Variants in SLC43A1 observed in about 807,000 individuals in gnomAD.
SLC43A1 encodes large neutral amino acids transporter small subunit 3.
In SLC43A1, 31 loss-of-function variants were observed where a neutral mutation model predicts 59.5. The observed-to-expected ratio is 0.52, with a 90% CI of 0.39 to 0.70. SLC43A1 has a LOEUF of 0.70. Among genes scored for constraint, SLC43A1 ranks in the 30% least tolerant of loss-of-function variants. SLC43A1 has a pLI of 0.00. For missense variants in SLC43A1, 598 were observed against 717.8 expected (o/e 0.83, Z 1.91); for synonymous variants, 259 against 290.9 (o/e 0.89, Z 1.12).
chr11:57,508,949 T>C (rs559457116), intron 2 of SLC43A1, among the ~76,000 whole-genome samples: 1 of 151,862 alleles, frequency 6.6e-6, no homozygotes, highest in Non-Finnish European at 1.5e-5. Flanking sequence ...AACTGCATCT[T>C]TACTAAAAAT....
chr11:57,514,241 C>G lies in SLC43A1; in HGVS notation c.-13-117G>C. ...GCCCGCGAGGAGCCCCTCATGGAGGCCCCATAGAGCCCTGGGCTTCCCAGC... is the reference window on the plus strand; with the variant it reads ...GCCCGCGAGGAGCCCCTCATGGAGGGCCCATAGAGCCCTGGGCTTCCCAGC... On this transcript the variant is annotated intron_variant, in intron 1 of 14. Coordinates refer to ENST00000278426, the MANE Select transcript of SLC43A1 (RefSeq NM_003627.6). The surrounding 1 kb of genome is among the most constrained non-coding windows in gnomAD (Gnocchi z 5.5). The G allele has an allele frequency of 8.2e-7, 1 of 1,224,416 alleles. No individual in the cohort carries two copies. The highest frequency in any genetic ancestry group is 1.1e-6 in the Non-Finnish European group (1 of 907,092). 75.8% of individuals were successfully genotyped at this position (1,224,416 alleles called of 1,614,324 possible).
intron 8 of SLC43A1, among the ~76,000 whole-genome samples, chr11:57,492,692 C>T (rs765149906): frequency 5.9e-5 from 8 of 135,186 alleles, no homozygotes; most frequent in Admixed American, 2.4e-4. Flanking sequence ...ATTGCACTAC[C>T]GCACTCCAGC....
chr11:57,487,350 T>C (rs1469869476), intron 13 of SLC43A1, 132 bp from the exon 14 acceptor site: 17 of 1,102,618 alleles, frequency 1.5e-5, no homozygotes, highest in Non-Finnish European at 2.2e-5. Context: ...GCTCTTTGCA[T>C]GGGCTCTTTG....
intron 2 of SLC43A1, among the ~76,000 whole-genome samples, chr11:57,513,028 T>A (rs1350354734): frequency 6.6e-6 from 1 of 152,194 alleles, no homozygotes; most frequent in Non-Finnish European, 1.5e-5. Context: ...CTAACATTTA[T>A]TAAGCACTGC....
chr11:57,506,397 G>A (rs867204719), intron 2 of SLC43A1, among the ~76,000 whole-genome samples: 1 of 151,906 alleles, frequency 6.6e-6, no homozygotes, highest in African/African-American at 2.4e-5. Flanking sequence ...TTAGTCAGGT[G>A]TGGTGGTGTG....
At chr11:57,493,924 G>C (rs1944002751) in intron 8 of SLC43A1, 69 bp downstream of exon 8, 3 of 1,445,328 alleles carry the variant, frequency 2.1e-6, no homozygotes, top group Non-Finnish European at 2.8e-6. Flanking sequence ...ACTCAACCAT[G>C]AGTGCTCACT....
At chr11:57,500,717 C>T in intron 5 of SLC43A1, 62 bp downstream of exon 5, 1 of 1,474,604 alleles carries the variant, frequency 6.8e-7, no homozygotes, top group Non-Finnish European at 9.5e-7. Context: ...CCTCACCCCA[C>T]TCACTCTGCC....
intron 14 of SLC43A1, among the ~76,000 whole-genome samples, chr11:57,486,549 C>T (rs1943732396): frequency 6.7e-6 from 1 of 149,358 alleles, no homozygotes; most frequent in Non-Finnish European, 1.5e-5. Context: ...CATGTAATCC[C>T]AGCACTTTGG....
rs573299517 is a variant in SLC43A1 at position 57,506,151 on chromosome 11, G to A, written c.155-4822C>T. On this transcript the variant is annotated intron_variant, in intron 2 of 14. Coordinates refer to ENST00000278426, the MANE Select transcript of SLC43A1 (RefSeq NM_003627.6). ...GCTTGAGTCCAAGAGTTTGAGACTA[G>A]CCCTGGCAACATAGTGAGACCCCAT... Among the ~76,000 whole-genome samples the A allele has an allele frequency of 1.2e-4, 18 of 152,272 alleles. 1 individual carries two copies. The highest frequency in any genetic ancestry group is 1.2e-3 in the East Asian group (6 of 5,184).
At chr11:57,511,949 G>C (rs1233711676) in intron 2 of SLC43A1, among the ~76,000 whole-genome samples, 1 of 152,168 alleles carries the variant, frequency 6.6e-6, no homozygotes, top group Non-Finnish European at 1.5e-5. Context: ...TAATGGTACA[G>C]AGTTACTTTT....
intron 13 of SLC43A1, 88 bp downstream of exon 13, chr11:57,488,828 G>A (rs1943816243): frequency 1.8e-6 from 2 of 1,097,104 alleles, no homozygotes; most frequent in Non-Finnish European, 2.8e-6. Flanking sequence ...GTGCATTAGG[G>A]GATGCCTGGG....
At chr11:57,509,883 G>A (rs1304148178) in intron 2 of SLC43A1, among the ~76,000 whole-genome samples, 1 of 151,958 alleles carries the variant, frequency 6.6e-6, no homozygotes, top group Non-Finnish European at 1.5e-5. Context: ...GTGCACTAAA[G>A]GACACCAAAA....
intron 11 of SLC43A1, among the ~76,000 whole-genome samples, chr11:57,490,830 C>A (rs774070220): frequency 2.0e-5 from 3 of 152,230 alleles, no homozygotes; most frequent in Non-Finnish European, 4.4e-5. Context: ...CTAGCCCTAA[C>A]AAGACTTTAG....
intron 7 of SLC43A1, among the ~76,000 whole-genome samples, chr11:57,495,604 T>C (rs1944055745): frequency 6.6e-6 from 1 of 151,974 alleles, no homozygotes; most frequent in Admixed American, 6.6e-5. Context: ...GGGGGGAGGA[T>C]CCCTTAAGGC....
Position 57,484,748 on chromosome 11 carries a change from G to A in SLC43A1, c.*348C>T, listed in dbSNP as rs536341884. ...ATGTGTGCACACTCATGGCACATGG[G>A]ACCTCAGGGGTAGCCTGTTTGCCGA... On this transcript the variant is annotated 3_prime_UTR_variant, in exon 15 of 15. Transcript: ENST00000278426. 1.1e-3 allele frequency: 229 copies of A among 205,554 alleles called. 2 individuals are homozygous for A. Among genetic ancestry groups the A allele is most frequent in the African/African-American group, 4.4e-3 (190 of 43,274 alleles). 12.7% of individuals were successfully genotyped at this position (205,554 alleles called of 1,614,324 possible). A position where few individuals can be genotyped will look rare whatever the true frequency, so the allele number is the denominator to read the frequency against.
At chr11:57,496,961 C>A (rs566183184) in intron 6 of SLC43A1, among the ~76,000 whole-genome samples, 115 of 152,262 alleles carry the variant, frequency 7.6e-4, no homozygotes, top group Non-Finnish European at 1.4e-3. Flanking sequence ...AAGGGCCACA[C>A]CCCCAAATGT....
At position 57,513,943 on chromosome 11, in the gene SLC43A1, C is replaced by CCCCCCAA; in HGVS notation, c.154+14_154+15insTTGGGGG. 3.2e-5 allele frequency: 47 copies of CCCCCCAA among 1,454,506 alleles called. No homozygotes were observed. The highest frequency in any genetic ancestry group is 3.8e-5 in the Non-Finnish European group (40 of 1,051,182). The allele number at this position is 1,454,506 out of a possible 1,614,324, so 90.1% of individuals were successfully genotyped here. A position where few individuals can be genotyped will look rare whatever the true frequency, so the allele number is the denominator to read the frequency against. On this transcript the variant is annotated intron_variant, in intron 2 of 14. Coordinates refer to ENST00000278426, the MANE Select transcript of SLC43A1 (RefSeq NM_003627.6). Reference sequence around the variant, plus strand: ...ATCCCTCCCCCCAGCCCACCCAGCCCATTTTCAGGCATACCTGGGCACGTG... The same window carrying CCCCCCAA: ...ATCCCTCCCCCCAGCCCACCCAGCCCCCCCCAAATTTTCAGGCATACCTGGGCACGTG...
intron 5 of SLC43A1, chr11:57,499,822 G>A (rs1012495021): frequency 6.6e-6 from 1 of 152,562 alleles, no homozygotes; most frequent in Admixed American, 6.5e-5. Flanking sequence ...GGCCGCCAGG[G>A]AGGGTCTGAG....
At chr11:57,498,577 C>T (rs984927896) in intron 5 of SLC43A1, among the ~76,000 whole-genome samples, 1 of 152,192 alleles carries the variant, frequency 6.6e-6, no homozygotes, top group Non-Finnish European at 1.5e-5. Flanking sequence ...TCCCCATTGT[C>T]GTTGTCCCAG....
Sources: allele counts gnomAD v4.1 joint callset (sites outside exome capture counted in the v4.1 genomes callset), GRCh38; gene constraint gnomAD v4.1.1; non-coding constraint Gnocchi (gnomAD v3.1); transcripts MANE v1.5; gene names NCBI Gene and HGNC (gene_info 2026-07-23, HGNC 2026-07-21).